The following GJA9 variants were observed in gnomAD, a reference collection of about 807,000 sequenced individuals.
GJA9 encodes the protein gap junction protein alpha 9, also known as gap junction alpha-9 protein.
Under a neutral mutation model 0.4 loss-of-function variants are expected in GJA9, and 1 was observed. The observed-to-expected ratio is 2.50, with a 90% CI of 0.89 to 11.88. GJA9 has a LOEUF of 11.88. Among genes scored for constraint, GJA9 ranks in the 30% most tolerant of loss-of-function variants. The probability of loss-of-function intolerance (pLI) is 0.12; values close to 1 mark genes in which losing one functional copy is unlikely to be tolerated. For missense variants in GJA9, 550 were observed against 602.8 expected, an observed-to-expected ratio of 0.91 and a Z score of 0.92; for synonymous variants, 190 against 219.1, an observed-to-expected ratio of 0.87 and a Z score of 1.17.
chr1:38,880,865 T>C (rs1473161493), intron 1 of GJA9, among the ~76,000 whole-genome samples: 6 of 152,236 alleles, frequency 3.9e-5, no homozygotes, highest in Non-Finnish European at 8.8e-5. Flanking sequence ...TAATTCATGT[T>C]GTTTATAATA....
At chr1:38,880,695 T>A (rs1642682905) in intron 1 of GJA9, among the ~76,000 whole-genome samples, 1 of 151,308 alleles carries the variant, frequency 6.6e-6, no homozygotes, top group Non-Finnish European at 1.5e-5. Flanking sequence ...GGCAGGAGAA[T>A]CGCTTGAACC....
chr1:38,875,331 A>G lies in GJA9; in HGVS notation c.768T>C (p.His256=). Residue 256 remains histidine (H), a synonymous_variant, in exon 2 of 2, where the codon CAT becomes CAC. Transcript: ENST00000357771. The part of the protein sequence containing the change: ...YKLKKEHNEF[H]ANKAKQNVAK... Reference sequence around the variant, plus strand: ...CTACATTTTGTTTTGCCTTGTTTGCATGGAATTCATTATGTTCCTTCTTCA... The same window carrying G: ...CTACATTTTGTTTTGCCTTGTTTGCGTGGAATTCATTATGTTCCTTCTTCA... The G allele has an allele frequency of 6.2e-7, 1 of 1,614,212 alleles. No individual in the cohort carries two copies. The highest frequency in any genetic ancestry group is 8.5e-7 in the Non-Finnish European group (1 of 1,180,034).
In GJA9 at chr1:38,874,734, A is replaced by AAGG. The variant is rs780683318; in HGVS notation, c.1362_1364dup (p.Leu455dup). ...ATTGAGAATCTCCTTGTGAAGGAGG[A>AAGG]AGGGTTCTGACTGTGCCCTTTCTGA... On this transcript the variant is annotated inframe_insertion, in exon 2 of 2. Coordinates refer to ENST00000357771, the MANE Select transcript of GJA9 (RefSeq NM_030772.5). 2 of 1,614,202 alleles carry AAGG rather than the reference A, an allele frequency of 1.2e-6. No individual in the cohort carries two copies. Among genetic ancestry groups the AAGG allele is most frequent in the Admixed American group, 3.3e-5 (2 of 60,028 alleles).
In GJA9 at chr1:38,876,071, T is replaced by C; in HGVS notation, c.28A>G (p.Thr10Ala). ...GAGTGGATGTGAACTTCCTCCAGAG[T>C]ATCTCCAAGGAGATTCCAGTCCCCC... MGDWNLLGD[T>A]LEEVHIHSTM... Residue 10 changes from threonine to alanine, a missense_variant, in exon 2 of 2, where the codon ACT becomes GCT. Transcript: ENST00000357771. 6.2e-7 allele frequency: 1 copy of C among 1,614,046 alleles called. No homozygotes were observed. The highest frequency in any genetic ancestry group is 8.5e-7 in the Non-Finnish European group (1 of 1,179,936).
chr1:38,877,258 C>G (rs1242132268), intron 1 of GJA9, among the ~76,000 whole-genome samples: 1 of 151,496 alleles, frequency 6.6e-6, no homozygotes, highest in African/African-American at 2.4e-5. Context: ...AGGCTGGTCT[C>G]GAACTCCTGA....
At position 38,875,407 on chromosome 1, in the gene GJA9, A is replaced by G. The variant is rs746079810; in HGVS notation, c.692T>C (p.Phe231Ser). Residue 231 changes from phenylalanine to serine, a missense_variant, in exon 2 of 2, where the codon TTC (phenylalanine) becomes TCC (serine). Transcript: ENST00000357771. ...TTTAATCTTTTTAAAACCTAGGTGG[A>G]AAATTTCAAGAATGTTTAAGAAAAG... is the stretch of plus-strand genomic sequence containing the variant. Reference protein sequence around the residue: ...ISLFLNILEIFHLGFKKIKRG... With the variant: ...ISLFLNILEISHLGFKKIKRG... 4.1e-5 allele frequency: 66 copies of G among 1,613,566 alleles called. 1 individual carries two copies. In the Admixed American group the frequency reaches 7.8e-4, roughly 19 times the overall value.
intron 1 of GJA9, among the ~76,000 whole-genome samples, chr1:38,881,008 G>A (rs2124286861): frequency 6.6e-6 from 1 of 152,220 alleles, no homozygotes; most frequent in East Asian, 1.9e-4. Context: ...TTTCATTTCA[G>A]TGAAATTGAT....
rs546626403 is a variant in GJA9 at position 38,874,803 on chromosome 1, A to G, written c.1296T>C (p.His432=). Residue 432 remains histidine (H), a synonymous_variant, in exon 2 of 2, where the codon CAT becomes CAC. Transcript: ENST00000357771. Reference sequence around the variant, plus strand: ...CTTTAGGAGGTGACCCCCGGTTTTCATGTTCTGTAGAGGAACCCCATGTAG... The same window carrying G: ...CTTTAGGAGGTGACCCCCGGTTTTCGTGTTCTGTAGAGGAACCCCATGTAG... ...LRATWGSSTE[H]ENRGSPPKGN... The G allele has an allele frequency of 1.2e-6, 2 of 1,614,090 alleles. No homozygotes were observed. Among genetic ancestry groups the G allele is most frequent in the African/African-American group, 1.3e-5 (1 of 75,000 alleles).
chr1:38,877,744 G>GC (rs1004048682), intron 1 of GJA9, among the ~76,000 whole-genome samples: 1 of 151,450 alleles, frequency 6.6e-6, no homozygotes, highest in African/African-American at 2.4e-5. Context: ...TGATCCACCC[G>GC]CCTCAGCCTC....
At chr1:38,876,657 G>GA (rs1294080944) in intron 1 of GJA9, among the ~76,000 whole-genome samples, 1 of 151,848 alleles carries the variant, frequency 6.6e-6, no homozygotes, top group African/African-American at 2.4e-5. Flanking sequence ...ACAATACAAT[G>GA]AAAAAAACAT....
In GJA9 at chr1:38,879,711, C is replaced by G. The variant is rs952828077; in HGVS notation, c.-96+1721G>C. 5.3e-5 allele frequency among the ~76,000 whole-genome samples: 8 copies of G among 152,058 alleles called. No homozygotes were observed. The South Asian group carries it at 1.2e-3, about 24-fold the overall frequency. ...TAGAGTCTTTAGTTCCTTTCTTCAG[C>G]CTTTGTTCTGTTTTTTTTGTTCGTT... On this transcript the variant is annotated intron_variant, in intron 1 of 1. Transcript: ENST00000357771.
rs533010431 is a variant in GJA9, at chr1:38,875,329, G to T, written c.770C>A (p.Ala257Glu). ...KLKKEHNEFH[A>E]NKAKQNVAKY... ...GGCTACATTTTGTTTTGCCTTGTTTGCATGGAATTCATTATGTTCCTTCTT... is the reference window on the plus strand; with the variant it reads ...GGCTACATTTTGTTTTGCCTTGTTTTCATGGAATTCATTATGTTCCTTCTT... Residue 257 changes from alanine (A) to glutamate (E), a missense_variant, in exon 2 of 2, where the codon GCA becomes GAA. Ala to Glu is a moderately radical substitution (Grantham distance 107). Coordinates refer to ENST00000357771, the MANE Select transcript of GJA9 (RefSeq NM_030772.5). 6.2e-7 allele frequency: 1 copy of T among 1,612,138 alleles called. No individual in the cohort carries two copies. The highest frequency in any genetic ancestry group is 1.1e-5 in the South Asian group (1 of 91,014).
chr1:38,876,808 C>T (rs537416299), intron 1 of GJA9, among the ~76,000 whole-genome samples: 1 of 151,844 alleles, frequency 6.6e-6, no homozygotes, highest in African/African-American at 2.4e-5. Flanking sequence ...GCCTGGCCAA[C>T]ATGGTAAAAC....
Position 38,879,057 on chromosome 1 carries a change from G to A in GJA9, c.-96+2375C>T, listed in dbSNP as rs534619843. On this transcript the variant is annotated intron_variant, in intron 1 of 1. Coordinates refer to ENST00000357771, the MANE Select transcript of GJA9 (RefSeq NM_030772.5). ...CTTATGGTACCAGAATCTCATTATA[G>A]ATATTACTTGCAATAGATTGTTCAC... is the stretch of plus-strand genomic sequence containing the variant. Among the ~76,000 whole-genome samples the A allele has an allele frequency of 4.6e-5, 7 of 152,144 alleles. No individual in the cohort carries two copies. The East Asian group carries it at 1.4e-3, about 30-fold the overall frequency.
intron 1 of GJA9, among the ~76,000 whole-genome samples, chr1:38,876,690 A>G (rs1053517758): frequency 6.6e-6 from 1 of 152,138 alleles, no homozygotes; most frequent in Non-Finnish European, 1.5e-5. Context: ...AGGAGTGTAT[A>G]TATTCTCTAT....
chr1:38,881,460 C>A lies in GJA9; in HGVS notation c.-124G>T. The stretch of plus-strand genomic sequence containing the variant: ...TCTTAGTTTAGGTAAATCTGAGAAG[C>A]AAACCATGTTTAGAAGTTACAGCAT... On this transcript the variant is annotated 5_prime_UTR_variant, in exon 1 of 2. Coordinates refer to ENST00000357771, the MANE Select transcript of GJA9 (RefSeq NM_030772.5). 1 of 701,814 alleles carries A rather than the reference C, an allele frequency of 1.4e-6. No individual in the cohort carries two copies. 43.5% of individuals were successfully genotyped at this position (701,814 alleles called of 1,614,324 possible).
In GJA9 at chr1:38,874,843, G is replaced by A. The variant is rs759501444; in HGVS notation, c.1256C>T (p.Pro419Leu). The stretch of plus-strand genomic sequence containing the variant: ...ACCCCATGTAGCTCTAAGCCACCGC[G>A]GTTTCCAATCGCAGTTAGCTGGCAA... ...FSLPANCDWKPRWLRATWGSS... is the reference protein window; with the variant it reads ...FSLPANCDWKLRWLRATWGSS... The change falls in exon 2 of 2, where the codon CCG becomes CTG. Residue 419 changes from proline (P) to leucine (L), a missense_variant. Coordinates refer to ENST00000357771, the MANE Select transcript of GJA9 (RefSeq NM_030772.5). The A allele has an allele frequency of 2.4e-5, 39 of 1,614,088 alleles. No homozygotes were observed. The highest frequency in any genetic ancestry group is 3.0e-5 in the Non-Finnish European group (35 of 1,180,050).
At chr1:38,877,656 C>G (rs1196209257) in intron 1 of GJA9, among the ~76,000 whole-genome samples, 2 of 152,008 alleles carry the variant, frequency 1.3e-5, no homozygotes, top group African/African-American at 4.8e-5. Flanking sequence ...GCCAACACCC[C>G]CCGGGATAAT....
Position 38,875,027 on chromosome 1 carries a change from ATATTT to A in GJA9, c.1067_1071del (p.Lys356IlefsTer6). 6.2e-7 allele frequency: 1 copy of A among 1,614,070 alleles called. No individual in the cohort carries two copies. The highest frequency in any genetic ancestry group is 8.5e-7 in the Non-Finnish European group (1 of 1,179,982). Reference sequence around the variant, plus strand: ...TGGTTACCATTAAGTTCTTTTCCAAATATTTTATGAGTGTCTTTGTTATTGTTTGA... The same window carrying A: ...TGGTTACCATTAAGTTCTTTTCCAAATATGAGTGTCTTTGTTATTGTTTGA... On this transcript the variant is annotated frameshift_variant, in exon 2 of 2. Coordinates refer to ENST00000357771, the MANE Select transcript of GJA9 (RefSeq NM_030772.5). LOFTEE classifies it low-confidence loss of function (END_TRUNC).
Sources: allele counts gnomAD v4.1 joint callset (sites outside exome capture counted in the v4.1 genomes callset), GRCh38; gene constraint gnomAD v4.1.1; transcripts MANE v1.5; gene names NCBI Gene and HGNC (gene_info 2026-07-23, HGNC 2026-07-21).